LINC00305: variants seen among roughly 807,000 people sequenced by gnomAD.
The protein encoded by LINC00305 is long independently transcribed non-coding RNA 305.
At chr18:64,136,236 T>G (rs1310129808) in intron 1 of LINC00305, among the ~76,000 whole-genome samples, 1 of 152,206 alleles carries the variant, frequency 6.6e-6, no homozygotes, top group Non-Finnish European at 1.5e-5. Flanking sequence ...GGTATCTGCC[T>G]TCCAAGTACA....
chr18:64,089,774 T>C (rs1273093813), intron 3 of LINC00305, among the ~76,000 whole-genome samples: 1 of 152,182 alleles, frequency 6.6e-6, no homozygotes, highest in Non-Finnish European at 1.5e-5. Context: ...TCGCGTCTTA[T>C]ATGGATGGCA....
At chr18:64,095,263 C>T (rs1599208326) in intron 3 of LINC00305, among the ~76,000 whole-genome samples, 1 of 152,134 alleles carries the variant, frequency 6.6e-6, no homozygotes, top group Non-Finnish European at 1.5e-5. Context: ...GAGACCTCTC[C>T]TCTCTCAAGG....
chr18:64,107,296 T>C (rs1490651139), intron 1 of LINC00305, among the ~76,000 whole-genome samples: 2 of 152,202 alleles, frequency 1.3e-5, no homozygotes, highest in Non-Finnish European at 2.9e-5. Flanking sequence ...GTAGAGGCCA[T>C]GTGCTACGAA....
intron 1 of LINC00305, among the ~76,000 whole-genome samples, chr18:64,099,522 G>T (rs2051260047): frequency 6.6e-6 from 1 of 152,154 alleles, no homozygotes; most frequent in Non-Finnish European, 1.5e-5. Context: ...GATATAGTTG[G>T]TCTTAAGCTT....
chr18:64,100,608 T>G (rs1158780186), intron 1 of LINC00305, among the ~76,000 whole-genome samples: 1 of 152,232 alleles, frequency 6.6e-6, no homozygotes, highest in Non-Finnish European at 1.5e-5. Flanking sequence ...TTGAATGAAT[T>G]GATTTTCTCT....
intron 1 of LINC00305, among the ~76,000 whole-genome samples, chr18:64,126,316 T>C (rs1248491442): frequency 6.6e-6 from 1 of 152,102 alleles, no homozygotes; most frequent in Non-Finnish European, 1.5e-5. Flanking sequence ...TTATTTTCTA[T>C]ATTTTAAAAA....
At chr18:64,121,289 C>A (rs2051360798) in intron 1 of LINC00305, among the ~76,000 whole-genome samples, 5 of 151,762 alleles carry the variant, frequency 3.3e-5, no homozygotes, top group Admixed American at 3.3e-4. Flanking sequence ...TTTAGAGTAT[C>A]CATCACCCAA....
At chr18:64,092,390 G>A (rs944313048) in intron 3 of LINC00305, among the ~76,000 whole-genome samples, 3 of 152,108 alleles carry the variant, frequency 2.0e-5, no homozygotes, top group Non-Finnish European at 4.4e-5. Context: ...GTGAAACCCC[G>A]TCTCTACTAA....
chr18:64,093,938 G>T (rs1295673917), intron 3 of LINC00305, among the ~76,000 whole-genome samples: 1 of 152,098 alleles, frequency 6.6e-6, no homozygotes. Flanking sequence ...GGAAAGAAGT[G>T]CACACAAAAT....
At chr18:64,083,311 G>T (rs183516389) in intron 3 of LINC00305, among the ~76,000 whole-genome samples, 67 of 152,146 alleles carry the variant, frequency 4.4e-4, no homozygotes, top group African/African-American at 1.5e-3. Flanking sequence ...TCCACTTAAG[G>T]CTGGCTCTTC....
At chr18:64,086,224 C>G (rs926999963) in intron 3 of LINC00305, among the ~76,000 whole-genome samples, 1 of 152,072 alleles carries the variant, frequency 6.6e-6, no homozygotes, top group African/African-American at 2.4e-5. Context: ...TATAACTATT[C>G]CTTTCATAAG....
chr18:64,101,000 T>C (rs2051265941), intron 1 of LINC00305, among the ~76,000 whole-genome samples: 1 of 152,224 alleles, frequency 6.6e-6, no homozygotes, highest in African/African-American at 2.4e-5. Context: ...AAATTCCAAA[T>C]GGTTTGAAAG....
intron 1 of LINC00305, among the ~76,000 whole-genome samples, chr18:64,122,166 G>T (rs1487368693): frequency 6.6e-6 from 1 of 152,040 alleles, no homozygotes; most frequent in African/African-American, 2.4e-5. Flanking sequence ...TATTTCTTTT[G>T]TTGTGCAGAA....
intron 3 of LINC00305, among the ~76,000 whole-genome samples, chr18:64,087,798 T>C (rs1266339872): frequency 1.3e-5 from 2 of 151,934 alleles, no homozygotes; most frequent in Non-Finnish European, 2.9e-5. Flanking sequence ...CAATAGAAAT[T>C]CAGAGAGAAG....
Position 64,085,658 on chromosome 18 carries a change from G to A in LINC00305, n.541-5256C>T, listed in dbSNP as rs947164556. Among the ~76,000 whole-genome samples, 19 of 151,926 alleles carry A rather than the reference G, an allele frequency of 1.3e-4. No individual in the cohort carries two copies. The South Asian group carries it at 2.9e-3, about 23-fold the overall frequency. ...GAATTTTTAGTAGAGATGGGGTTTC[G>A]CTATGTTGGCCAGGCTGGTTTCGAA... On this transcript the variant is annotated intron_variant and non_coding_transcript_variant, in intron 3 of 3. Coordinates refer to ENST00000666468, the Ensembl canonical transcript of LINC00305.
chr18:64,129,073 C>A (rs992494433), intron 1 of LINC00305, among the ~76,000 whole-genome samples: 1 of 151,982 alleles, frequency 6.6e-6, no homozygotes, highest in South Asian at 2.1e-4. Context: ...AGAATTCATG[C>A]GATACATTTT....
At chr18:64,114,609 C>G (rs373941720) in intron 1 of LINC00305, among the ~76,000 whole-genome samples, 4 of 152,156 alleles carry the variant, frequency 2.6e-5, no homozygotes, top group African/African-American at 9.7e-5. Flanking sequence ...AGTGCAAGGC[C>G]GCGATCTTGG....
chr18:64,134,666 C>G (rs1281525290), intron 1 of LINC00305, among the ~76,000 whole-genome samples: 2 of 152,136 alleles, frequency 1.3e-5, no homozygotes, highest in Admixed American at 1.3e-4. Context: ...TAGGGGGGTC[C>G]AAGTTACGTC....
chr18:64,083,553 A>G (rs2051192590), intron 3 of LINC00305, among the ~76,000 whole-genome samples: 1 of 152,208 alleles, frequency 6.6e-6, no homozygotes, highest in Non-Finnish European at 1.5e-5. Context: ...TCACACCAGA[A>G]ACTTTATGTA....
Sources: gnomAD v4.1 joint callset for allele counts (sites outside exome capture counted in the v4.1 genomes callset) on GRCh38, gnomAD v4.1.1 for gene constraint, MANE v1.5 for transcripts, NCBI Gene and HGNC (gene_info 2026-07-23, HGNC 2026-07-21) for gene names.